DNAH10: variants seen among roughly 807,000 people sequenced by gnomAD.
DNAH10 encodes the protein dynein axonemal heavy chain 10, also known as axonemal beta dynein heavy chain 10.
In DNAH10, 348 loss-of-function variants were observed where a neutral mutation model predicts 506.6. The observed-to-expected ratio is 0.69, with a 90% CI of 0.63 to 0.75. The LOEUF (loss-of-function observed/expected upper bound fraction) is 0.75, where lower values mean the gene tolerates loss of function less well. Ranked by LOEUF, DNAH10 falls within the 30% of genes least tolerant of loss-of-function variation. The probability of loss-of-function intolerance (pLI) is 0.00; values close to 1 mark genes in which losing one functional copy is unlikely to be tolerated. For missense variants in DNAH10, 5,179 were observed against 5,787.1 expected, an observed-to-expected ratio of 0.89 and a Z score of 3.41; for synonymous variants, 2,059 against 2,198.6, an observed-to-expected ratio of 0.94 and a Z score of 1.78.
chr12:123,774,787 A>G (rs1957379391), intron 5 of DNAH10, among the ~76,000 whole-genome samples: 1 of 152,194 alleles, frequency 6.6e-6, no homozygotes, highest in Non-Finnish European at 1.5e-5. Context: ...ACAACCTTCC[A>G]GCTTGGGCGT....
intron 35 of DNAH10, 79 bp downstream of exon 35, chr12:123,851,155 G>A (rs367549996): frequency 2.6e-5 from 37 of 1,434,468 alleles, no homozygotes; most frequent in East Asian, 1.4e-4. Flanking sequence ...CCTAGGACGC[G>A]TTAGCTCCGT....
chr12:123,804,738 T>A, intron 17 of DNAH10, 95 bp from the exon 18 acceptor site: 1 of 1,339,936 alleles, frequency 7.5e-7, no homozygotes, highest in Non-Finnish European at 1.0e-6. Flanking sequence ...CTGGTTTTGG[T>A]TTTTTTAAGA....
At chr12:123,899,548 A>T (rs1397922856) in intron 56 of DNAH10, among the ~76,000 whole-genome samples, 3 of 151,528 alleles carry the variant, frequency 2.0e-5, no homozygotes, top group Admixed American at 2.0e-4. Flanking sequence ...ATTTGTCATC[A>T]CTCTGGCAAC....
At position 123,919,761 on chromosome 12, in the gene DNAH10, G is replaced by A. The variant is rs1047283464; in HGVS notation, c.11506+812G>A. Among the ~76,000 whole-genome samples, 3 of 152,188 alleles carry A rather than the reference G, an allele frequency of 2.0e-5. No homozygotes were observed. The highest frequency in any genetic ancestry group is 2.9e-5 in the Non-Finnish European group (2 of 68,048). Reference sequence around the variant, plus strand: ...CTTTCACTCCACTCCGTGACCTCACGGTTCATCCGTGTTGCTGCGTGTGTC... The same window carrying A: ...CTTTCACTCCACTCCGTGACCTCACAGTTCATCCGTGTTGCTGCGTGTGTC... On this transcript the variant is annotated intron_variant, in intron 65 of 78. Transcript: ENST00000673944. The surrounding 1 kb of genome is among the most constrained non-coding windows in gnomAD (Gnocchi z 4.9).
At chr12:123,812,339 T>C (rs1311395201) in intron 19 of DNAH10, among the ~76,000 whole-genome samples, 1 of 152,070 alleles carries the variant, frequency 6.6e-6, no homozygotes, top group Non-Finnish European at 1.5e-5. Flanking sequence ...TAGTCCCAGC[T>C]ACTCGGGAGG....
At chr12:123,868,425 G>T (rs775596423) in intron 43 of DNAH10, among the ~76,000 whole-genome samples, 1 of 152,074 alleles carries the variant, frequency 6.6e-6, no homozygotes, top group African/African-American at 2.4e-5. Flanking sequence ...ATGACTTTGA[G>T]TTTCTTCTTC....
chr12:123,827,392 T>C (rs1361464041), intron 25 of DNAH10, among the ~76,000 whole-genome samples: 1 of 152,248 alleles, frequency 6.6e-6, no homozygotes, highest in East Asian at 1.9e-4. Context: ...AAAAAATATG[T>C]CAAAGTGCAA....
Position 123,789,847 on chromosome 12 carries a change from G to A in DNAH10, c.1621-80G>A, listed in dbSNP as rs540692750. 3.6e-5 allele frequency: 48 copies of A among 1,346,120 alleles called. No homozygotes were observed. In the East Asian group the frequency reaches 8.1e-4, roughly 23 times the overall value. The allele number at this position is 1,346,120 out of a possible 1,614,324, so 83.4% of individuals were successfully genotyped here. Reference sequence around the variant, plus strand: ...TGATTCTTGCCCCCAGGTCAGTCTCGATATGCTATCCATTTGTAGTTCTAA... The same window carrying A: ...TGATTCTTGCCCCCAGGTCAGTCTCAATATGCTATCCATTTGTAGTTCTAA... On this transcript the variant is annotated intron_variant, in intron 10 of 78. Transcript: ENST00000673944.
At chr12:123,822,351 G>A (rs1310895339) in intron 24 of DNAH10, among the ~76,000 whole-genome samples, 2 of 152,060 alleles carry the variant, frequency 1.3e-5, no homozygotes, top group Non-Finnish European at 2.9e-5. Context: ...TGGAGTGTGG[G>A]GTCCAGAAAA....
Position 123,935,469 on chromosome 12 carries a change from G to C in DNAH10, c.13758G>C (p.Leu4586=), listed in dbSNP as rs1955454496. The C allele has an allele frequency of 3.1e-6, 5 of 1,587,692 alleles. No individual in the cohort carries two copies. Among genetic ancestry groups the C allele is most frequent in the Admixed American group, 1.7e-5 (1 of 59,656 alleles). Residue 4586 remains leucine, a synonymous_variant, in exon 79 of 79, where the codon CTG becomes CTC. Coordinates refer to ENST00000673944, the MANE Select transcript of DNAH10 (RefSeq NM_001372106.1). ...HWVLQGVCLT[L]NSD ...TGCTGCAAGGAGTATGCCTCACCCT[G>C]AATTCTGATTAACCTTTGGGTGAAG...
chr12:123,898,517 AG>A, intron 55 of DNAH10, 135 bp from the exon 56 acceptor site: 1 of 1,102,644 alleles, frequency 9.1e-7, no homozygotes, highest in Non-Finnish European at 1.2e-6. Flanking sequence ...ATGGCAGTGG[AG>A]GTACTGAAAG....
intron 19 of DNAH10, among the ~76,000 whole-genome samples, chr12:123,810,868 GC>G (rs939527301): frequency 2.6e-5 from 4 of 152,030 alleles, no homozygotes; most frequent in African/African-American, 7.2e-5. Flanking sequence ...AGGAAAGTTG[GC>G]CTATAAAACA....
At chr12:123,812,334 C>T (rs1309603901) in intron 19 of DNAH10, among the ~76,000 whole-genome samples, 2 of 151,996 alleles carry the variant, frequency 1.3e-5, no homozygotes, top group East Asian at 3.9e-4. Flanking sequence ...GCCTATAGTC[C>T]CAGCTACTCG....
chr12:123,900,231 A>G (rs1953456871), intron 56 of DNAH10, among the ~76,000 whole-genome samples: 1 of 152,182 alleles, frequency 6.6e-6, no homozygotes, highest in African/African-American at 2.4e-5. Flanking sequence ...TAAAAACTAT[A>G]TATTTCTGGC....
At chr12:123,863,108 A>G (rs936943725) in intron 39 of DNAH10, among the ~76,000 whole-genome samples, 8 of 152,148 alleles carry the variant, frequency 5.3e-5, no homozygotes, top group Admixed American at 5.2e-4. Context: ...TTAATCCTGG[A>G]AAAAAAAGAT....
chr12:123,847,301 A>T lies in DNAH10; in HGVS notation c.5815-660A>T, dbSNP rs1025933732. On this transcript the variant is annotated intron_variant, in intron 32 of 78. Transcript: ENST00000673944. ...ATCCTGTCTATTTATCATCTCGATCATCTATTTTATCTATCTATCTATCTA... is the reference window on the plus strand; with the variant it reads ...ATCCTGTCTATTTATCATCTCGATCTTCTATTTTATCTATCTATCTATCTA... 3.4e-5 allele frequency among the ~76,000 whole-genome samples: 5 copies of T among 145,188 alleles called. No homozygotes were observed. In the Admixed American group the frequency reaches 3.5e-4, roughly 10 times the overall value.
Position 123,820,929 on chromosome 12 carries a change from A to C in DNAH10, c.4179+171A>C, listed in dbSNP as rs115206970. Among the ~76,000 whole-genome samples, 1,437 of 152,310 alleles carry C rather than the reference A, an allele frequency of 9.4e-3. 15 individuals carry two copies. Among genetic ancestry groups the C allele is most frequent in the African/African-American group, 0.031 (1,299 of 41,560 alleles). On this transcript the variant is annotated intron_variant, in intron 24 of 78. Transcript: ENST00000673944. ...ATGGGGAGTGATTGCTTATGGGTAC[A>C]GGGTTTCCATTTGGGGTGTTGAAAA...
At chr12:123,815,062 C>CAAA (rs113977710) in intron 21 of DNAH10, among the ~76,000 whole-genome samples, 10,296 of 152,168 alleles carry the variant, frequency 0.068, 388 homozygotes, top group African/African-American at 0.096. Flanking sequence ...CCAACAACAA[C>CAAA]AACAACAAAA....
intron 28 of DNAH10, among the ~76,000 whole-genome samples, chr12:123,837,687 G>A (rs557873161): frequency 2.2e-4 from 32 of 147,880 alleles, no homozygotes; most frequent in Non-Finnish European, 3.0e-4. Flanking sequence ...TATGATCCTC[G>A]CCTTGGCCTC....
Sources: allele counts gnomAD v4.1 joint callset (sites outside exome capture counted in the v4.1 genomes callset), GRCh38; gene constraint gnomAD v4.1.1; non-coding constraint Gnocchi (gnomAD v3.1); transcripts MANE v1.5; gene names NCBI Gene and HGNC (gene_info 2026-07-23, HGNC 2026-07-21).